Variants in ROBO2 observed in about 807,000 individuals in gnomAD.
ROBO2 encodes roundabout guidance receptor 2, also known as roundabout homolog 2.
In ROBO2, 53 loss-of-function variants were observed where a neutral mutation model predicts 160.8. That is an observed-to-expected ratio of 0.33 (90% CI 0.26 to 0.41). The LOEUF (loss-of-function observed/expected upper bound fraction) is 0.41, where lower values mean the gene tolerates loss of function less well. Ranked by LOEUF, ROBO2 falls within the 10% of genes least tolerant of loss-of-function variation. The pLI is 1.00. For synonymous variants in ROBO2, 664 were observed against 611.7 expected, an observed-to-expected ratio of 1.09 and a Z score of -1.26; for missense variants, 1,577 against 1,722.4, an observed-to-expected ratio of 0.92 and a Z score of 1.49.
rs551040483 is a variant in ROBO2, at chr3:77,359,468, T to C, written c.389-117946T>C. On this transcript the variant is annotated intron_variant, in intron 2 of 25. Transcript: ENST00000461745. ...TGAAAAAACATTTACCTGTGCTGAT[T>C]TGAAGATTTCAATATGTGCCTTTCC... is the stretch of plus-strand genomic sequence containing the variant. 2.6e-5 allele frequency among the ~76,000 whole-genome samples: 4 copies of C among 152,342 alleles called. No individual in the cohort carries two copies. The South Asian group carries it at 8.3e-4, about 32-fold the overall frequency.
exon 1 of ROBO2, chr3:77,040,072 C>G: frequency 1.1e-6 from 1 of 901,178 alleles, no homozygotes. Flanking sequence ...CCCTCCCTCC[C>G]TCGCTCCTTC....
intron 2 of ROBO2, among the ~76,000 whole-genome samples, chr3:76,651,591 A>G (rs2091261213): frequency 1.3e-5 from 2 of 152,108 alleles, no homozygotes; most frequent in South Asian, 4.2e-4. Context: ...CTACTGATGC[A>G]CTATTATTGC....
At chr3:75,986,563 A>C (rs1223084997) in intron 2 of ROBO2, among the ~76,000 whole-genome samples, 2 of 151,264 alleles carry the variant, frequency 1.3e-5, no homozygotes, top group African/African-American at 4.8e-5. Flanking sequence ...TACAGTTTTT[A>C]ATTTTTTTCT....
At chr3:76,903,644 G>A (rs561167554) in intron 2 of ROBO2, among the ~76,000 whole-genome samples, 1 of 152,160 alleles carries the variant, frequency 6.6e-6, no homozygotes, top group South Asian at 2.1e-4. Flanking sequence ...GATTTGCCAA[G>A]CTCCAAGGGC....
At chr3:77,030,089 C>T (rs1270578015) in intron 2 of ROBO2, among the ~76,000 whole-genome samples, 2 of 151,990 alleles carry the variant, frequency 1.3e-5, no homozygotes, top group African/African-American at 2.4e-5. Context: ...GGACTACAGG[C>T]GCCCGCCACC....
intron 2 of ROBO2, among the ~76,000 whole-genome samples, chr3:77,110,205 A>C (rs2073385958): frequency 6.6e-6 from 1 of 152,196 alleles, no homozygotes; most frequent in Non-Finnish European, 1.5e-5. Context: ...TAAGAATCCA[A>C]TTTATAAGAC....
intron 2 of ROBO2, among the ~76,000 whole-genome samples, chr3:76,168,361 A>G (rs1285340212): frequency 6.6e-6 from 1 of 152,098 alleles, no homozygotes; most frequent in Non-Finnish European, 1.5e-5. Flanking sequence ...TTTTTATCCT[A>G]TATTTTCGTC....
At chr3:77,068,911 T>G (rs2149820086) in intron 1 of ROBO2, among the ~76,000 whole-genome samples, 1 of 152,290 alleles carries the variant, frequency 6.6e-6, no homozygotes, top group African/African-American at 2.4e-5. Context: ...TTTAAGTCAT[T>G]AGTATAAATC....
intron 16 of ROBO2, among the ~76,000 whole-genome samples, chr3:77,585,058 G>A (rs1250899990): frequency 6.6e-6 from 1 of 150,628 alleles, no homozygotes; most frequent in East Asian, 1.9e-4. Context: ...GAAATGGATT[G>A]GCTGAATATA....
intron 23 of ROBO2, chr3:77,631,458 T>A (rs190349119): frequency 3.0e-4 from 45 of 152,324 alleles, no homozygotes; most frequent in African/African-American, 1.0e-3. Flanking sequence ...TTAAATTAGT[T>A]TCTTACAAAT....
At chr3:76,371,748 A>G (rs1346461265) in intron 2 of ROBO2, among the ~76,000 whole-genome samples, 1 of 151,892 alleles carries the variant, frequency 6.6e-6, no homozygotes, top group Non-Finnish European at 1.5e-5. Context: ...CAATTATTTG[A>G]CCATATCAAC....
At chr3:76,430,792 C>T (rs2076404986) in intron 2 of ROBO2, among the ~76,000 whole-genome samples, 1 of 151,952 alleles carries the variant, frequency 6.6e-6, no homozygotes, top group Non-Finnish European at 1.5e-5. Context: ...AGTAGTTGTT[C>T]AGCCAATAAA....
chr3:76,032,606 T>C (rs1356026628), intron 2 of ROBO2, among the ~76,000 whole-genome samples: 5 of 152,256 alleles, frequency 3.3e-5, no homozygotes, highest in African/African-American at 1.2e-4. Flanking sequence ...GCCTTCATTT[T>C]GTTATTTTTC....
intron 2 of ROBO2, among the ~76,000 whole-genome samples, chr3:76,421,700 T>C (rs1007989973): frequency 1.8e-4 from 27 of 148,838 alleles, no homozygotes; most frequent in African/African-American, 6.5e-4. Flanking sequence ...CACTTCAGTC[T>C]GGGCAACAAG....
At chr3:77,523,680 A>G (rs367871531) in intron 6 of ROBO2, among the ~76,000 whole-genome samples, 20 of 151,398 alleles carry the variant, frequency 1.3e-4, no homozygotes, top group East Asian at 1.2e-3. Context: ...AAGTAGTACC[A>G]AGTAGACACT....
At chr3:76,249,141 G>A (rs1174295490) in intron 2 of ROBO2, among the ~76,000 whole-genome samples, 1 of 152,052 alleles carries the variant, frequency 6.6e-6, no homozygotes, top group Non-Finnish European at 1.5e-5. Context: ...CTTGAATTTG[G>A]TTGAACTTCG....
chr3:77,592,786 G>A (rs1415545185), intron 17 of ROBO2, among the ~76,000 whole-genome samples: 4 of 151,948 alleles, frequency 2.6e-5, no homozygotes, highest in Non-Finnish European at 4.4e-5. Flanking sequence ...TCCTGACCTC[G>A]TGATCCACCC....
At chr3:77,050,004 G>T (rs1301812019) in intron 1 of ROBO2, among the ~76,000 whole-genome samples, 1 of 152,084 alleles carries the variant, frequency 6.6e-6, no homozygotes, top group Non-Finnish European at 1.5e-5. Flanking sequence ...ATAAATCAAG[G>T]TTAGAGTCGT....
intron 2 of ROBO2, among the ~76,000 whole-genome samples, chr3:77,433,512 A>ATATATATATATATATATATATATATC (rs2079001162): frequency 7.5e-6 from 1 of 133,950 alleles, no homozygotes; most frequent in Non-Finnish European, 1.6e-5. Context: ...ATATATATAT[A>ATATATATATATATATATATATATATC]TATATATTTC....
Sources: gnomAD v4.1 joint callset for allele counts (sites outside exome capture counted in the v4.1 genomes callset) on GRCh38, gnomAD v4.1.1 for gene constraint, MANE v1.5 for transcripts, NCBI Gene and HGNC (gene_info 2026-07-23, HGNC 2026-07-21) for gene names.